Variants in PLD5 observed in about 807,000 individuals in gnomAD.
PLD5 encodes the protein inactive phospholipase D5.
PLD5 carries 36 observed loss-of-function variants against 61.1 expected under a neutral mutation model. The ratio of observed to expected loss-of-function variants is 0.59; its 90% confidence interval spans 0.45 to 0.78. PLD5 has a LOEUF of 0.78. Among genes scored for constraint, PLD5 ranks in the 30% least tolerant of loss-of-function variants. The pLI is 0.00. For synonymous variants in PLD5, 243 were observed against 242.8 expected, an observed-to-expected ratio of 1.00 and a Z score of -0.01; for missense variants, 515 against 644.4, an observed-to-expected ratio of 0.80 and a Z score of 2.17.
intron 5 of PLD5, among the ~76,000 whole-genome samples, chr1:242,138,585 G>A (rs946557085): frequency 2.0e-5 from 3 of 152,260 alleles, no homozygotes; most frequent in Admixed American, 1.3e-4. Context: ...AAGGTCCAAT[G>A]CGGAAATAAA....
chr1:242,403,375 T>C (rs6670188), intron 1 of PLD5, among the ~76,000 whole-genome samples: 67 of 152,230 alleles, frequency 4.4e-4, no homozygotes, highest in African/African-American at 1.4e-3. Context: ...CAAGCCAGAA[T>C]TGGGGGGTCA....
At chr1:242,260,657 T>G (rs1673328060) in intron 4 of PLD5, among the ~76,000 whole-genome samples, 1 of 152,214 alleles carries the variant, frequency 6.6e-6, no homozygotes, top group Admixed American at 6.5e-5. Context: ...TTAAATAAAT[T>G]TTTGTAAAGT....
intron 5 of PLD5, among the ~76,000 whole-genome samples, chr1:242,155,547 G>T (rs6697642): frequency 0.019 from 2,943 of 152,140 alleles, 114 homozygotes; most frequent in African/African-American, 0.068. Context: ...CTGGTACATT[G>T]TGTCTTTGTT....
intron 1 of PLD5, among the ~76,000 whole-genome samples, chr1:242,394,776 ATGTGTATATATGTGAATATATATGTG>A (rs1558527098): frequency 1.8e-4 from 13 of 72,406 alleles, no homozygotes; most frequent in East Asian, 5.9e-4. Context: ...GTGAATATAT[ATGTGTATATATGTGAATATATATGTG>A]TATATATGTG....
At chr1:242,250,673 A>G (rs531754484) in intron 4 of PLD5, among the ~76,000 whole-genome samples, 1 of 152,344 alleles carries the variant, frequency 6.6e-6, no homozygotes, top group Non-Finnish European at 1.5e-5. Context: ...ACATAATAAA[A>G]TAATACATTC....
intron 1 of PLD5, among the ~76,000 whole-genome samples, chr1:242,449,083 C>A (rs1374565836): frequency 1.3e-5 from 2 of 152,214 alleles, no homozygotes; most frequent in Non-Finnish European, 2.9e-5. Context: ...CATCTGAGGT[C>A]ACCGTAGGAC....
At chr1:242,305,156 G>A (rs1330397618) in intron 2 of PLD5, among the ~76,000 whole-genome samples, 3 of 152,160 alleles carry the variant, frequency 2.0e-5, no homozygotes, top group Non-Finnish European at 2.9e-5. Context: ...GCACTTTTAA[G>A]ATTCCAGCAA....
chr1:242,291,281 A>G (rs149064012), intron 2 of PLD5, among the ~76,000 whole-genome samples: 114 of 152,230 alleles, frequency 7.5e-4, no homozygotes, highest in Admixed American at 1.2e-3. Flanking sequence ...TTCTGCAGTG[A>G]CCTGCTCCTC....
At chr1:242,528,883 T>C (rs1036059731), upstream of PLD5, among the ~76,000 whole-genome samples, 1 of 152,238 alleles carries the variant, frequency 6.6e-6, no homozygotes, top group African/African-American at 2.4e-5. Context: ...ACAGGTGTAG[T>C]GTTGCCAAGT....
intron 6 of PLD5, among the ~76,000 whole-genome samples, chr1:242,118,674 G>T (rs2800757): frequency 0.76 from 115,111 of 152,140 alleles, 43,681 homozygotes; most frequent in South Asian, 0.91. Context: ...TATAAGCACT[G>T]ACCTGCCTTA....
chr1:242,124,738 C>T (rs1662654136), intron 5 of PLD5, 73 bp from the exon 6 acceptor site: 1 of 1,260,654 alleles, frequency 7.9e-7, no homozygotes, highest in South Asian at 1.3e-5. Context: ...AAAAGGAATG[C>T]ATAAGAATGA....
At chr1:242,097,500 G>T (rs984154043) in intron 9 of PLD5, among the ~76,000 whole-genome samples, 11 of 152,248 alleles carry the variant, frequency 7.2e-5, no homozygotes, top group Admixed American at 1.3e-4. Flanking sequence ...CTGATGGCCA[G>T]TGAGGATGAG....
chr1:242,407,934 C>T (rs893716609), intron 1 of PLD5, among the ~76,000 whole-genome samples: 1 of 152,154 alleles, frequency 6.6e-6, no homozygotes, highest in Non-Finnish European at 1.5e-5. Flanking sequence ...TTGCTGCTTG[C>T]TTTCTTACTT....
chr1:242,327,288 T>A (rs1221029043), intron 2 of PLD5, among the ~76,000 whole-genome samples: 2 of 152,186 alleles, frequency 1.3e-5, no homozygotes, highest in African/African-American at 4.8e-5. Flanking sequence ...CTTGCAGGCA[T>A]GAGCCACTGC....
rs140318994 is a variant in PLD5, at chr1:242,089,865, G to A, written c.1600C>T (p.Arg534Trp). 16 of 1,613,960 alleles carry A rather than the reference G, an allele frequency of 9.9e-6. No homozygotes were observed. The highest frequency in any genetic ancestry group is 5.5e-5 in the South Asian group (5 of 91,078). ...GTTTCTTCATCATGTTATACGTTCC[G>A]GGGATCCTTTCCGCCTGTGTCGTCT... ...ATDDTGGKDP[R>W]NV The change falls in exon 10 of 10, where the codon CGG (arginine) becomes TGG (tryptophan). Residue 534 changes from arginine (R) to tryptophan (W), a missense_variant. Physicochemically the swap from Arg to Trp is moderately radical, Grantham distance 101. Transcript: ENST00000536534.
At chr1:242,485,388 GC>G (rs1667924472) in intron 1 of PLD5, among the ~76,000 whole-genome samples, 1 of 151,996 alleles carries the variant, frequency 6.6e-6, no homozygotes, top group Admixed American at 6.6e-5. Flanking sequence ...AAATCAATGT[GC>G]AAAAATCACA....
At chr1:242,453,887 T>C (rs115856293) in intron 1 of PLD5, among the ~76,000 whole-genome samples, 1 of 152,310 alleles carries the variant, frequency 6.6e-6, no homozygotes, top group African/African-American at 2.4e-5. Flanking sequence ...CTATGTATTT[T>C]TGCCTGGCCA....
At chr1:242,099,817 G>A (rs1056870541) in intron 9 of PLD5, among the ~76,000 whole-genome samples, 5 of 152,176 alleles carry the variant, frequency 3.3e-5, no homozygotes, top group African/African-American at 1.2e-4. Flanking sequence ...CCATGAACAT[G>A]TTTCTTTCTG....
intron 5 of PLD5, chr1:242,178,492 T>A (rs1053430040): frequency 6.6e-6 from 1 of 152,232 alleles, no homozygotes; most frequent in African/African-American, 2.4e-5. Context: ...TGTATTTTTC[T>A]TCCTAGGTGC....
Sources: allele counts gnomAD v4.1 joint callset (sites outside exome capture counted in the v4.1 genomes callset), GRCh38; gene constraint gnomAD v4.1.1; transcripts MANE v1.5; gene names NCBI Gene and HGNC (gene_info 2026-07-23, HGNC 2026-07-21).